PCDHGA5: variants seen among roughly 807,000 people sequenced by gnomAD.
PCDHGA5 encodes the protein protocadherin gamma subfamily A, 5, also known as protocadherin gamma-A5.
PCDHGA5 carries 36 observed loss-of-function variants against 56.7 expected under a neutral mutation model. That is an observed-to-expected ratio of 0.64 (90% CI 0.49 to 0.84). The LOEUF (loss-of-function observed/expected upper bound fraction) is 0.84, where lower values mean the gene tolerates loss of function less well. Ranked by LOEUF, PCDHGA5 falls within the 40% of genes least tolerant of loss-of-function variation. PCDHGA5 has a pLI of 0.00. For missense variants in PCDHGA5, 1,305 were observed against 1,201.5 expected (o/e 1.09, Z -1.27); for synonymous variants, 563 against 520.2 (o/e 1.08, Z -1.12).
rs34752215 is a variant in PCDHGA5 at position 141,427,657 on chromosome 5, A to C, written c.2421+60906A>C. The C allele has an allele frequency of 1.4e-3, 1,030 of 734,210 alleles. 5 individuals carry two copies. Among genetic ancestry groups the C allele is most frequent in the Middle Eastern group, 5.7e-3 (25 of 4,398 alleles). The allele number at this position is 734,210 out of a possible 1,614,324, so 45.5% of individuals were successfully genotyped here. On this transcript the variant is annotated intron_variant, in intron 1 of 3. Coordinates refer to ENST00000518069, the MANE Select transcript of PCDHGA5 (RefSeq NM_018918.3). The stretch of plus-strand genomic sequence containing the variant: ...TTCCACCAAGTCTCCTACGTGGTCC[A>C]CGTGGCCGAAAACAACCTTCCCGGA...
In PCDHGA5 at chr5:141,365,956, T is replaced by C. The variant is rs757991507; in HGVS notation, c.1626T>C (p.Leu542=). The C allele has an allele frequency of 6.2e-7, 1 of 1,614,208 alleles. No homozygotes were observed. Among genetic ancestry groups the C allele is most frequent in the South Asian group, 1.1e-5 (1 of 91,082 alleles). Residue 542 remains leucine (L), a synonymous_variant, in exon 1 of 4, where the codon CTT becomes CTC. Coordinates refer to ENST00000518069, the MANE Select transcript of PCDHGA5 (RefSeq NM_018918.3). ...VTASDSGNPP[L]SSNVSLSLFV... is the part of the protein sequence containing the mutation. ...CCAGCGACAGTGGGAACCCTCCACTTAGCAGCAACGTGTCGCTGAGCCTGT... is the reference window on the plus strand; with the variant it reads ...CCAGCGACAGTGGGAACCCTCCACTCAGCAGCAACGTGTCGCTGAGCCTGT...
At chr5:141,410,513 G>C in intron 1 of PCDHGA5, 1 of 1,613,954 alleles carries the variant, frequency 6.2e-7, no homozygotes, top group Non-Finnish European at 8.5e-7. Context: ...AAAATGCAGT[G>C]TGCCCCTACA....
In PCDHGA5 at chr5:141,511,351, C is replaced by A. The variant is rs1190324197; in HGVS notation, c.*178C>A. 11 of 1,386,432 alleles carry A rather than the reference C, an allele frequency of 7.9e-6. No individual in the cohort carries two copies. Among genetic ancestry groups the A allele is most frequent in the South Asian group, 4.5e-5 (3 of 67,158 alleles). The allele number at this position is 1,386,432 out of a possible 1,614,324, so 85.9% of individuals were successfully genotyped here. On this transcript the variant is annotated 3_prime_UTR_variant, in exon 4 of 4. Transcript: ENST00000518069. ...CCAGTCAGCACCTACCCCTTCCCCC[C>A]CAGGGGGTTGAATATGCAAAAGCAG...
intron 1 of PCDHGA5, among the ~76,000 whole-genome samples, chr5:141,433,747 G>A (rs566709728): frequency 1.3e-5 from 2 of 150,990 alleles, no homozygotes; most frequent in East Asian, 4.0e-4. Context: ...TGAGTCAGGA[G>A]AATTGCTTTA....
At position 141,505,629 on chromosome 5, in the gene PCDHGA5, C is replaced by T. The variant is rs1475582931; in HGVS notation, c.2569+148C>T. 7.4e-6 allele frequency: 11 copies of T among 1,482,192 alleles called. No individual in the cohort carries two copies. The African/African-American group carries it at 9.8e-5, about 13-fold the overall frequency. The allele number at this position is 1,482,192 out of a possible 1,614,324, so 91.8% of individuals were successfully genotyped here. ...GTCTGAAAGGACCCACAATTCCAAACATAAAGCCTGGAATTGTGGCTAAGG... is the reference window on the plus strand; with the variant it reads ...GTCTGAAAGGACCCACAATTCCAAATATAAAGCCTGGAATTGTGGCTAAGG... On this transcript the variant is annotated intron_variant, in intron 3 of 3. Coordinates refer to ENST00000518069, the MANE Select transcript of PCDHGA5 (RefSeq NM_018918.3).
intron 1 of PCDHGA5, chr5:141,414,582 C>T (rs2095761888): frequency 2.5e-6 from 4 of 1,613,862 alleles, no homozygotes; most frequent in Non-Finnish European, 3.4e-6. Flanking sequence ...CAGAGAACAA[C>T]GCCAGGGGTG....
At chr5:141,482,611 G>T (rs1016481108) in intron 1 of PCDHGA5, among the ~76,000 whole-genome samples, 1 of 150,398 alleles carries the variant, frequency 6.6e-6, no homozygotes, top group Admixed American at 6.6e-5. Context: ...ACACCTAAAT[G>T]AGCCTGGAGA....
chr5:141,428,199 C>T (rs760718878), intron 1 of PCDHGA5: 28 of 1,364,510 alleles, frequency 2.1e-5, no homozygotes, highest in Non-Finnish European at 2.9e-5. Flanking sequence ...CTCTCTGCGC[C>T]GCTACGCTTC....
rs1275819200 is a variant in PCDHGA5, at chr5:141,491,620, A to G, written c.2422-3187A>G. 5 of 1,613,788 alleles carry G rather than the reference A, an allele frequency of 3.1e-6. No individual in the cohort carries two copies. Among genetic ancestry groups the G allele is most frequent in the Non-Finnish European group, 4.2e-6 (5 of 1,180,014 alleles). On this transcript the variant is annotated intron_variant, in intron 1 of 3. Coordinates refer to ENST00000518069, the MANE Select transcript of PCDHGA5 (RefSeq NM_018918.3). The surrounding 1 kb of genome is among the most constrained non-coding windows in gnomAD (Gnocchi z 6.9). ...TGACTTCACTTTTCTAAGACCCCTC[A>G]GCGTTCAGCAGCCCACAGCTCTGGC...
chr5:141,399,084 T>C (rs752476131), intron 1 of PCDHGA5: 2 of 1,613,796 alleles, frequency 1.2e-6, no homozygotes, highest in South Asian at 1.1e-5. Context: ...AAGGGAGGGA[T>C]GGTGGTGGAC....
At chr5:141,372,494 A>T in intron 1 of PCDHGA5, 1 of 1,613,974 alleles carries the variant, frequency 6.2e-7, no homozygotes, top group Non-Finnish European at 8.5e-7. Flanking sequence ...CCTTGATCTC[A>T]GTGCTCTTCC....
At chr5:141,418,455 C>G (rs1287627325) in intron 1 of PCDHGA5, 3 of 1,613,990 alleles carry the variant, frequency 1.9e-6, no homozygotes, top group Non-Finnish European at 2.5e-6. Flanking sequence ...TTGCAGAAGA[C>G]TCTGGACCGA....
chr5:141,497,412 A>G (rs963440048), intron 2 of PCDHGA5, among the ~76,000 whole-genome samples: 13 of 151,982 alleles, frequency 8.6e-5, no homozygotes, highest in African/African-American at 3.1e-4. Flanking sequence ...CTCCCATTCC[A>G]TCAAATGAGA....
At chr5:141,475,500 T>C (rs1393586791) in intron 1 of PCDHGA5, among the ~76,000 whole-genome samples, 1 of 152,248 alleles carries the variant, frequency 6.6e-6, no homozygotes, top group East Asian at 1.9e-4. Flanking sequence ...ACTGAAATTA[T>C]TAATGTCTCC....
In PCDHGA5 at chr5:141,404,489, G is replaced by A. The variant is rs867768935; in HGVS notation, c.2421+37738G>A. 30 of 1,613,796 alleles carry A rather than the reference G, an allele frequency of 1.9e-5. No individual in the cohort carries two copies. The highest frequency in any genetic ancestry group is 1.3e-4 in the African/African-American group (10 of 75,048). On this transcript the variant is annotated intron_variant, in intron 1 of 3. Transcript: ENST00000518069. ...TGTCTCTATTAACTCAGACACTGGT[G>A]TGCTGTATGCTCTGTGCTCCTTTGA...
rs774993961 is a variant in PCDHGA5, at chr5:141,365,445, A to C, written c.1115A>C (p.His372Pro). ...PGTVIALFSV[H>P]DGDSGENGEI... The stretch of plus-strand genomic sequence containing the variant: ...ACTGTAATCGCGCTGTTTAGCGTAC[A>C]TGATGGTGATTCTGGAGAAAATGGT... Residue 372 changes from histidine (H) to proline (P), a missense_variant, in exon 1 of 4, where the codon CAT becomes CCT. His to Pro is a moderately conservative substitution (Grantham distance 77, BLOSUM62 -2). Transcript: ENST00000518069. 1 of 1,613,936 alleles carries C rather than the reference A, an allele frequency of 6.2e-7. No individual in the cohort carries two copies. The highest frequency in any genetic ancestry group is 8.5e-7 in the Non-Finnish European group (1 of 1,179,910).
intron 1 of PCDHGA5, chr5:141,398,283 G>A (rs1470207042): frequency 7.2e-7 from 1 of 1,396,846 alleles, no homozygotes; most frequent in East Asian, 2.5e-5. Context: ...ACCTCGCCAC[G>A]GACCTGGGGT....
Position 141,366,561 on chromosome 5 carries a change from A to G in PCDHGA5, c.2231A>G (p.Asp744Gly), listed in dbSNP as rs903477065. The G allele has an allele frequency of 3.1e-6, 5 of 1,614,210 alleles. No homozygotes were observed. Among genetic ancestry groups the G allele is most frequent in the Admixed American group, 1.7e-5 (1 of 60,026 alleles). ...GVPASHFVGV[D>G]GVRAFLQTYS... is the part of the protein sequence containing the mutation. Reference sequence around the variant, plus strand: ...CCCGCCTCGCACTTTGTGGGCGTGGATGGGGTTCGGGCTTTCCTGCAGACC... The same window carrying G: ...CCCGCCTCGCACTTTGTGGGCGTGGGTGGGGTTCGGGCTTTCCTGCAGACC... The change falls in exon 1 of 4, where the codon GAT (aspartate) becomes GGT (glycine). Residue 744 changes from aspartate (D) to glycine (G), a missense_variant. Coordinates refer to ENST00000518069, the MANE Select transcript of PCDHGA5 (RefSeq NM_018918.3).
At chr5:141,509,777 G>A (rs1244876699) in intron 3 of PCDHGA5, among the ~76,000 whole-genome samples, 1 of 152,100 alleles carries the variant, frequency 6.6e-6, no homozygotes, top group Non-Finnish European at 1.5e-5. Flanking sequence ...TCTAGTCCCC[G>A]AGATCATCAT....
Sources: allele counts gnomAD v4.1 joint callset (sites outside exome capture counted in the v4.1 genomes callset), GRCh38; gene constraint gnomAD v4.1.1; non-coding constraint Gnocchi (gnomAD v3.1); transcripts MANE v1.5; gene names NCBI Gene and HGNC (gene_info 2026-07-23, HGNC 2026-07-21).